NFATC2: variants seen among roughly 807,000 people sequenced by gnomAD.
NFATC2 encodes nuclear factor of activated T-cells, cytoplasmic 2.
NFATC2 carries 22 observed loss-of-function variants against 87.3 expected under a neutral mutation model. That is an observed-to-expected ratio of 0.25 (90% CI 0.18 to 0.36). NFATC2 has a LOEUF of 0.36. Among genes scored for constraint, NFATC2 ranks in the 10% least tolerant of loss-of-function variants. NFATC2 has a pLI of 1.00. For synonymous variants in NFATC2, 565 were observed against 542.2 expected, an observed-to-expected ratio of 1.04 and a Z score of -0.58; for missense variants, 1,149 against 1,259.1, an observed-to-expected ratio of 0.91 and a Z score of 1.32.
intron 8 of NFATC2, among the ~76,000 whole-genome samples, chr20:51,433,470 C>T (rs1983070898): frequency 6.6e-6 from 1 of 152,156 alleles, no homozygotes; most frequent in African/African-American, 2.4e-5. Context: ...GTGCAAAGCA[C>T]TGAGTACAGT....
intron 9 of NFATC2, among the ~76,000 whole-genome samples, chr20:51,428,436 C>T (rs990834277): frequency 1.6e-4 from 25 of 152,328 alleles, no homozygotes; most frequent in South Asian, 2.1e-4. Flanking sequence ...TTCTTGAAAA[C>T]GTCTCAAGTA....
At chr20:51,458,868 T>C (rs1986849509) in intron 5 of NFATC2, among the ~76,000 whole-genome samples, 1 of 152,104 alleles carries the variant, frequency 6.6e-6, no homozygotes, top group Non-Finnish European at 1.5e-5. Context: ...GTTTTATCTG[T>C]GGTACCATCA....
At chr20:51,426,794 C>A (rs1333797450) in intron 9 of NFATC2, among the ~76,000 whole-genome samples, 4 of 152,162 alleles carry the variant, frequency 2.6e-5, no homozygotes, top group African/African-American at 9.6e-5. Context: ...CATCTGGGGG[C>A]TTCTGGGGTG....
intron 3 of NFATC2, among the ~76,000 whole-genome samples, chr20:51,478,441 C>T (rs1409820129): frequency 2.0e-5 from 3 of 152,120 alleles, no homozygotes; most frequent in South Asian, 2.1e-4. Context: ...GAGCAGAAAT[C>T]GCCTGCTGGG....
chr20:51,493,128 G>T (rs757262067), intron 3 of NFATC2, among the ~76,000 whole-genome samples: 3 of 152,192 alleles, frequency 2.0e-5, no homozygotes, highest in Non-Finnish European at 4.4e-5. Flanking sequence ...TAGACTGGGG[G>T]CTAGGGAGTC....
intron 1 of NFATC2, among the ~76,000 whole-genome samples, chr20:51,553,024 G>A (rs948387661): frequency 6.0e-5 from 9 of 151,218 alleles, no homozygotes; most frequent in South Asian, 2.1e-4. Context: ...TGTCCATGTC[G>A]AACTAACATT....
chr20:51,412,726 G>T (rs866576483), intron 9 of NFATC2, among the ~76,000 whole-genome samples: 4 of 152,070 alleles, frequency 2.6e-5, no homozygotes, highest in African/African-American at 9.7e-5. Flanking sequence ...CTGGGTCCAC[G>T]GGGATGCTAT....
At chr20:51,437,454 C>T (rs1983743461) in intron 6 of NFATC2, among the ~76,000 whole-genome samples, 1 of 152,184 alleles carries the variant, frequency 6.6e-6, no homozygotes, top group Admixed American at 6.5e-5. Context: ...CCCCTCCCTA[C>T]TTTTAAGCAC....
upstream of NFATC2, chr20:51,562,702 G>T: frequency 2.1e-6 from 3 of 1,426,246 alleles, no homozygotes; most frequent in Non-Finnish European, 2.9e-6. This position sits in a 1 kb window ranked among gnomAD's most constrained non-coding sequence, Gnocchi z 5.8. Flanking sequence ...CCGAGGGGAC[G>T]CCGTCTTCTC....
chr20:51,416,304 T>C (rs915960790), intron 9 of NFATC2, among the ~76,000 whole-genome samples: 4 of 152,102 alleles, frequency 2.6e-5, no homozygotes, highest in Non-Finnish European at 5.9e-5. Context: ...GAATTGGTTC[T>C]GAAATGGTCC....
intron 1 of NFATC2, among the ~76,000 whole-genome samples, chr20:51,559,207 A>G (rs963151732): frequency 4.6e-5 from 7 of 152,220 alleles, no homozygotes; most frequent in Non-Finnish European, 7.3e-5. Context: ...TTCTTCTACT[A>G]AGAGTGGAAG....
rs540221621 is a variant in NFATC2, at chr20:51,550,539, C to T, written c.70+12021G>A. Among the ~76,000 whole-genome samples the T allele has an allele frequency of 2.8e-4, 42 of 151,900 alleles. 1 individual carries two copies. The highest frequency in any genetic ancestry group is 4.9e-4 in the Non-Finnish European group (33 of 67,930). On this transcript the variant is annotated intron_variant, in intron 1 of 10. Transcript: ENST00000414705. The stretch of plus-strand genomic sequence containing the variant: ...CTGGGAGGTGGAGGTTGCAGTGAGC[C>T]GAGATTGCGCCATTGTACTCCAGCC...
chr20:51,399,470 G>A (rs190327174), intron 9 of NFATC2, among the ~76,000 whole-genome samples: 22 of 151,742 alleles, frequency 1.4e-4, no homozygotes, highest in East Asian at 9.6e-4. Flanking sequence ...ATAATGCAGC[G>A]TTATTAGAAA....
intron 6 of NFATC2, among the ~76,000 whole-genome samples, chr20:51,437,130 A>C (rs1406780958): frequency 7.4e-6 from 1 of 134,318 alleles, no homozygotes; most frequent in African/African-American, 2.6e-5. Flanking sequence ...AAAAAAAAAA[A>C]ACCCTGCATT....
chr20:51,555,167 T>C (rs1271416061), intron 1 of NFATC2, among the ~76,000 whole-genome samples: 5 of 152,170 alleles, frequency 3.3e-5, no homozygotes, highest in African/African-American at 1.2e-4. Flanking sequence ...CACTCTTACC[T>C]GGCTAGAGGC....
At chr20:51,466,250 G>A (rs770757696) in intron 5 of NFATC2, among the ~76,000 whole-genome samples, 12 of 151,922 alleles carry the variant, frequency 7.9e-5, no homozygotes, top group Non-Finnish European at 1.2e-4. Flanking sequence ...ACGGGGTTTC[G>A]CCATGTTGGC....
intron 3 of NFATC2, among the ~76,000 whole-genome samples, chr20:51,489,613 CT>C (rs1451712882): frequency 6.6e-6 from 1 of 152,198 alleles, no homozygotes; most frequent in East Asian, 1.9e-4. Context: ...GTCTAGGCGG[CT>C]TCTGGTTAAA....
chr20:51,455,483 G>A lies in NFATC2; in HGVS notation c.1709-795C>T, dbSNP rs138814696. 8.0e-3 allele frequency among the ~76,000 whole-genome samples: 1,210 copies of A among 151,350 alleles called. 16 individuals carry two copies. The highest frequency in any genetic ancestry group is 0.027 in the African/African-American group (1,127 of 41,214). On this transcript the variant is annotated intron_variant, in intron 5 of 10. Transcript: ENST00000371564. ...GAGTTAAAACAGCAGTACCCAGCCC[G>A]GTCCCTCTCTCTCATTCTCTGTCAC...
chr20:51,492,192 T>C (rs190888644), intron 3 of NFATC2, among the ~76,000 whole-genome samples: 4 of 151,680 alleles, frequency 2.6e-5, no homozygotes, highest in Non-Finnish European at 5.9e-5. Flanking sequence ...ATCACACACA[T>C]CTTCCTGTCT....
Sources: gnomAD v4.1 joint callset for allele counts (sites outside exome capture counted in the v4.1 genomes callset) on GRCh38, gnomAD v4.1.1 for gene constraint, Gnocchi (gnomAD v3.1) non-coding constraint, MANE v1.5 for transcripts, NCBI Gene and HGNC (gene_info 2026-07-23, HGNC 2026-07-21) for gene names.